The following TMEM132D variants were observed in gnomAD, a reference collection of about 807,000 sequenced individuals.
The protein encoded by TMEM132D is transmembrane protein 132D.
A neutral mutation model predicts 62.3 loss-of-function variants in TMEM132D; 21 were observed. The ratio of observed to expected loss-of-function variants is 0.34; its 90% CI spans 0.24 to 0.49. The LOEUF is 0.49. TMEM132D is among the 20% of genes least tolerant of loss of function. TMEM132D has a pLI of 0.99. For missense variants in TMEM132D, 1,346 were observed against 1,402.8 expected, an observed-to-expected ratio of 0.96 and a Z score of 0.65; for synonymous variants, 621 against 575.6, an observed-to-expected ratio of 1.08 and a Z score of -1.13.
intron 4 of TMEM132D, among the ~76,000 whole-genome samples, chr12:129,309,147 G>T (rs976452079): frequency 6.6e-6 from 1 of 152,230 alleles, no homozygotes; most frequent in Admixed American, 6.5e-5. Context: ...TATGTAGTTT[G>T]GTTCTTGATA....
At chr12:129,858,613 A>G (rs1224700308) in intron 1 of TMEM132D, among the ~76,000 whole-genome samples, 2 of 40,144 alleles carry the variant, frequency 5.0e-5, no homozygotes, top group Non-Finnish European at 1.1e-4. Context: ...TGCCCTTGTA[A>G]CAGAGTCCTG....
At chr12:129,430,959 C>T (rs1351995281) in intron 3 of TMEM132D, among the ~76,000 whole-genome samples, 1 of 152,180 alleles carries the variant, frequency 6.6e-6, no homozygotes, top group Non-Finnish European at 1.5e-5. Flanking sequence ...GGCTTCCAGG[C>T]GCATGCCTGA....
intron 1 of TMEM132D, among the ~76,000 whole-genome samples, chr12:129,750,184 C>T (rs968475303): frequency 6.6e-6 from 1 of 152,110 alleles, no homozygotes; most frequent in Non-Finnish European, 1.5e-5. Context: ...CTCCCAGGTT[C>T]ACGTCATTCT....
At chr12:129,181,587 C>T (rs529837423) in intron 5 of TMEM132D, among the ~76,000 whole-genome samples, 5 of 152,200 alleles carry the variant, frequency 3.3e-5, no homozygotes, top group Non-Finnish European at 5.9e-5. Flanking sequence ...GCTCCTGCAT[C>T]GATCCTTCCC....
At chr12:129,119,839 G>A (rs760925010) in intron 5 of TMEM132D, among the ~76,000 whole-genome samples, 3 of 152,068 alleles carry the variant, frequency 2.0e-5, no homozygotes, top group Non-Finnish European at 2.9e-5. Context: ...ACTAGTGGTG[G>A]GCTCTAAGAA....
chr12:129,851,683 C>T (rs1873547838), intron 1 of TMEM132D, among the ~76,000 whole-genome samples: 2 of 151,574 alleles, frequency 1.3e-5, no homozygotes, highest in South Asian at 4.2e-4. Context: ...CACTGCTTCC[C>T]TACAGCAGTG....
chr12:129,337,922 T>A, intron 3 of TMEM132D, 105 bp from the exon 4 acceptor site: 1 of 1,200,150 alleles, frequency 8.3e-7, no homozygotes, highest in Non-Finnish European at 1.2e-6. Flanking sequence ...TACCTCCACA[T>A]GGAACCAAGC....
chr12:129,335,968 C>T (rs1869259523), intron 4 of TMEM132D, among the ~76,000 whole-genome samples: 1 of 152,148 alleles, frequency 6.6e-6, no homozygotes, highest in Non-Finnish European at 1.5e-5. Flanking sequence ...TGGCTGGCAT[C>T]CCAGCAGCTA....
At chr12:129,198,849 T>A (rs1251548236) in intron 5 of TMEM132D, among the ~76,000 whole-genome samples, 1 of 152,188 alleles carries the variant, frequency 6.6e-6, no homozygotes, top group Non-Finnish European at 1.5e-5. Context: ...TTGATTTAAT[T>A]ATTTCACATT....
chr12:129,799,427 GTGTATATATGTATA>G (rs1871682021), intron 1 of TMEM132D, among the ~76,000 whole-genome samples: 1 of 2,102 alleles, frequency 4.8e-4, no homozygotes, highest in African/African-American at 1.9e-3. Flanking sequence ...GTGTATATAT[GTGTATATATGTATA>G]TATATACATA....
intron 5 of TMEM132D, chr12:129,110,085 A>G (rs1319445308): frequency 6.6e-6 from 1 of 152,324 alleles, no homozygotes; most frequent in Admixed American, 6.5e-5. Context: ...GCAGTCAGGC[A>G]CTTCCTGCCC....
chr12:129,175,030 T>C (rs1877863286), intron 5 of TMEM132D, among the ~76,000 whole-genome samples: 1 of 152,226 alleles, frequency 6.6e-6, no homozygotes, highest in Admixed American at 6.5e-5. Flanking sequence ...AGGTTGCCTG[T>C]TCACTCTTAT....
At chr12:129,362,936 G>C (rs1014641267) in intron 3 of TMEM132D, among the ~76,000 whole-genome samples, 1 of 152,136 alleles carries the variant, frequency 6.6e-6, no homozygotes, top group Non-Finnish European at 1.5e-5. Flanking sequence ...AACTTTAATT[G>C]ACAATTGCAC....
intron 5 of TMEM132D, among the ~76,000 whole-genome samples, chr12:129,087,448 G>T (rs755355662): frequency 1.3e-5 from 2 of 150,662 alleles, no homozygotes; most frequent in African/African-American, 2.4e-5. Context: ...GATAGATAGG[G>T]AGAGCATCCT....
At chr12:129,360,014 C>T (rs564120514) in intron 3 of TMEM132D, among the ~76,000 whole-genome samples, 1 of 151,480 alleles carries the variant, frequency 6.6e-6, no homozygotes, top group South Asian at 2.1e-4. Flanking sequence ...AAAAAAAAAC[C>T]CCATTTTTTT....
chr12:129,777,297 T>G (rs1423348067), intron 1 of TMEM132D, among the ~76,000 whole-genome samples: 1 of 152,232 alleles, frequency 6.6e-6, no homozygotes, highest in African/African-American at 2.4e-5. Flanking sequence ...CTACTCGTTG[T>G]CAAGAAGCCA....
At chr12:129,798,721 ACTG>A (rs1356782157) in intron 1 of TMEM132D, among the ~76,000 whole-genome samples, 26 of 31,694 alleles carry the variant, frequency 8.2e-4, no homozygotes, top group Admixed American at 7.6e-3. Context: ...GGGAGATAAG[ACTG>A]AGAAGGAAGT....
intron 5 of TMEM132D, among the ~76,000 whole-genome samples, chr12:129,112,732 A>G (rs138952915): frequency 9.2e-5 from 14 of 152,372 alleles, no homozygotes; most frequent in African/African-American, 3.4e-4. Flanking sequence ...GGAGACTAGG[A>G]GTGCTCAGAA....
Position 129,114,394 on chromosome 12 carries a change from T to TCCTTCCCTCCTTCCCTCCTTCCC in TMEM132D, c.1444-29693_1444-29692insGGGAAGGAGGGAAGGAGGGAAGG, listed in dbSNP as rs1875821042. Among the ~76,000 whole-genome samples, 25 of 146,390 alleles carry TCCTTCCCTCCTTCCCTCCTTCCC rather than the reference T, an allele frequency of 1.7e-4. No homozygotes were observed. In the East Asian group the frequency reaches 3.9e-3, roughly 23 times the overall value. ...TGAGAAACAGTTGGAAACTCCTTCC[T>TCCTTCCCTCCTTCCCTCCTTCCC]TCCTTCCCTCCTTCCCTCCTTCCCT... On this transcript the variant is annotated intron_variant, in intron 5 of 8. Coordinates refer to ENST00000422113, the MANE Select transcript of TMEM132D (RefSeq NM_133448.3).
Sources: allele counts gnomAD v4.1 joint callset (sites outside exome capture counted in the v4.1 genomes callset), GRCh38; gene constraint gnomAD v4.1.1; transcripts MANE v1.5; gene names NCBI Gene and HGNC (gene_info 2026-07-23, HGNC 2026-07-21).